The following RPN2 variants were observed in gnomAD, a reference collection of about 807,000 sequenced individuals.
RPN2 encodes ribophorin II.
A neutral mutation model predicts 71.4 loss-of-function variants in RPN2; 29 were observed. The observed-to-expected ratio is 0.41, with a 90% CI of 0.30 to 0.55. The LOEUF (loss-of-function observed/expected upper bound fraction) is 0.55, where lower values mean the gene tolerates loss of function less well. Among genes scored for constraint, RPN2 ranks in the 20% least tolerant of loss-of-function variants. RPN2 has a pLI of 0.35. For missense variants in RPN2, 726 were observed against 774.1 expected (o/e 0.94, Z 0.74); for synonymous variants, 308 against 305.0 (o/e 1.01, Z -0.10).
chr20:37,228,414 G>A (rs561950271), intron 11 of RPN2, 136 bp from the exon 12 acceptor site: 23 of 815,154 alleles, frequency 2.8e-5, no homozygotes, highest in Middle Eastern at 3.3e-4. Flanking sequence ...CTACTCTCTG[G>A]GGCAGGTCTG....
intron 2 of RPN2, among the ~76,000 whole-genome samples, chr20:37,193,775 T>C (rs986683878): frequency 2.0e-5 from 3 of 152,168 alleles, no homozygotes; most frequent in African/African-American, 7.2e-5. Flanking sequence ...GTCTTTACCA[T>C]GGTGAGCTTG....
intron 10 of RPN2, among the ~76,000 whole-genome samples, chr20:37,225,054 G>T (rs893496018): frequency 1.3e-5 from 2 of 152,126 alleles, no homozygotes; most frequent in Non-Finnish European, 2.9e-5. Flanking sequence ...GTAACCATTT[G>T]GCTGGTTTAT....
chr20:37,216,209 C>T (rs896277433), intron 9 of RPN2, among the ~76,000 whole-genome samples: 25 of 151,954 alleles, frequency 1.6e-4, no homozygotes, highest in African/African-American at 5.1e-4. Context: ...CGTGGTGGCA[C>T]GTGCCTGTAA....
In RPN2 at chr20:37,223,992, A is replaced by C. The variant is rs2076397; in HGVS notation, c.1184+23A>C. The C allele has an allele frequency of 0.8, 1,278,139 of 1,599,814 alleles. 514,543 individuals are homozygous for C. The highest frequency in any genetic ancestry group is 0.97 in the African/African-American group (72,416 of 74,780). On this transcript the variant is annotated intron_variant, in intron 10 of 16. Coordinates refer to ENST00000237530, the MANE Select transcript of RPN2 (RefSeq NM_002951.5). ...CCGGTAGGTGAGATGCCACCTGATC[A>C]CTCAGGGAGCTGAGGCTCAAGAGCT... is the stretch of plus-strand genomic sequence containing the variant.
Position 37,225,679 on chromosome 20 carries a change from C to T in RPN2, c.1185-9C>T. ...CTCTCTGAAGACTAACTCTATATGC[C>T]TCTTTCAGGGTGACATACCCAGCCA... On this transcript the variant is annotated splice_polypyrimidine_tract_variant and intron_variant, in intron 10 of 16. Transcript: ENST00000237530. The T allele has an allele frequency of 1.9e-6, 3 of 1,591,126 alleles. No individual in the cohort carries two copies. The highest frequency in any genetic ancestry group is 2.6e-6 in the Non-Finnish European group (3 of 1,158,970).
At chr20:37,198,660 T>C (rs2067310974) in intron 3 of RPN2, among the ~76,000 whole-genome samples, 168 bp downstream of exon 3, 1 of 152,202 alleles carries the variant, frequency 6.6e-6, no homozygotes, top group African/African-American at 2.4e-5. Flanking sequence ...AGTTTATGTT[T>C]CTCCTAAGTT....
chr20:37,216,996 T>G (rs1478477401), intron 9 of RPN2, among the ~76,000 whole-genome samples: 3 of 151,876 alleles, frequency 2.0e-5, no homozygotes, highest in African/African-American at 7.3e-5. Flanking sequence ...AGTGGCGTGA[T>G]CATGGCTCAC....
intron 4 of RPN2, among the ~76,000 whole-genome samples, chr20:37,202,987 C>T (rs191170056): frequency 6.6e-6 from 1 of 151,954 alleles, no homozygotes; most frequent in Non-Finnish European, 1.5e-5. Context: ...TGCGGTGGTG[C>T]AATCACAGCT....
chr20:37,187,604 C>T (rs954297027), intron 2 of RPN2, among the ~76,000 whole-genome samples: 1 of 150,796 alleles, frequency 6.6e-6, no homozygotes, highest in Non-Finnish European at 1.5e-5. Context: ...CCTGTTTTTC[C>T]CTCTCTTTTC....
chr20:37,204,078 G>C, intron 5 of RPN2, 118 bp downstream of exon 5: 1 of 750,256 alleles, frequency 1.3e-6, no homozygotes, highest in East Asian at 2.7e-5. Flanking sequence ...TTATATCCAT[G>C]GCACACTTGT....
chr20:37,236,617 C>T lies in RPN2; in HGVS notation c.1791C>T (p.Leu597=). The T allele has an allele frequency of 6.2e-7, 1 of 1,614,086 alleles. No homozygotes were observed. The change falls in exon 16 of 17, where the codon CTC becomes CTT. Residue 597 remains leucine (L), a synonymous_variant. Coordinates refer to ENST00000237530, the MANE Select transcript of RPN2 (RefSeq NM_002951.5). ...LGLMYVYWTQ[L]NMFQTLKYLA... ...TCATGTATGTCTACTGGACTCAGCT[C>T]AACATGTTCCAGACCTTGAAGTACC...
At chr20:37,194,606 T>C (rs1215643425) in intron 2 of RPN2, among the ~76,000 whole-genome samples, 1 of 152,154 alleles carries the variant, frequency 6.6e-6, no homozygotes, top group Non-Finnish European at 1.5e-5. Flanking sequence ...GTTAATACAT[T>C]ATAGGAGAAG....
intron 2 of RPN2, among the ~76,000 whole-genome samples, chr20:37,196,215 G>A (rs1456938696): frequency 1.3e-5 from 2 of 149,806 alleles, no homozygotes; most frequent in Non-Finnish European, 3.0e-5. Context: ...GAGCGCCACC[G>A]TGCCTAGTCT....
chr20:37,199,111 T>A lies in RPN2; in HGVS notation c.365T>A (p.Val122Asp), dbSNP rs763344652. Residue 122 changes from valine to aspartate, a missense_variant, in exon 4 of 17, where the codon GTT (valine) becomes GAT (aspartate). Transcript: ENST00000237530. ...GCAGCTGTCAGTGAGGACTCATCTG[T>A]TACCCAGATCTACCATGCAGTTGCA... ...LLAAVSEDSS[V>D]TQIYHAVAAL... is the part of the protein sequence containing the mutation. 5 of 1,613,474 alleles carry A rather than the reference T, an allele frequency of 3.1e-6. No homozygotes were observed. Among genetic ancestry groups the A allele is most frequent in the Non-Finnish European group, 3.4e-6 (4 of 1,179,476 alleles).
intron 9 of RPN2, among the ~76,000 whole-genome samples, chr20:37,215,747 T>C (rs1171762324): frequency 2.0e-5 from 3 of 152,200 alleles, no homozygotes; most frequent in Non-Finnish European, 4.4e-5. Flanking sequence ...TTCGTACCAA[T>C]ATTTGGTATT....
At chr20:37,180,691 T>TTATCA (rs2066842472) in intron 1 of RPN2, among the ~76,000 whole-genome samples, 2 of 152,222 alleles carry the variant, frequency 1.3e-5, no homozygotes, top group African/African-American at 4.8e-5. Context: ...CATTAGCAGT[T>TTATCA]TCTGATAGGC....
chr20:37,241,328 G>A lies in RPN2; in HGVS notation c.*13G>A, dbSNP rs979577651. 6.2e-7 allele frequency: 1 copy of A among 1,612,472 alleles called. No homozygotes were observed. The highest frequency in any genetic ancestry group is 1.3e-5 in the African/African-American group (1 of 74,924). On this transcript the variant is annotated 3_prime_UTR_variant, in exon 17 of 17. Transcript: ENST00000237530. Reference sequence around the variant, plus strand: ...AACAGCACATTAGTTCCAGAAGAAAGATGGAAATTCTGAAAACTGAATGTC... The same window carrying A: ...AACAGCACATTAGTTCCAGAAGAAAAATGGAAATTCTGAAAACTGAATGTC...
At chr20:37,240,706 C>CA (rs2068527789) in intron 16 of RPN2, among the ~76,000 whole-genome samples, 1 of 152,230 alleles carries the variant, frequency 6.6e-6, no homozygotes, top group African/African-American at 2.4e-5. Flanking sequence ...ACAAAGAGTA[C>CA]AGGAGATAGG....
At chr20:37,213,335 C>T (rs980257649) in intron 8 of RPN2, among the ~76,000 whole-genome samples, 2 of 152,124 alleles carry the variant, frequency 1.3e-5, no homozygotes, top group South Asian at 2.1e-4. Flanking sequence ...TGTGATTAAG[C>T]ACGAGGGTCA....
Sources: gnomAD v4.1 joint callset for allele counts (sites outside exome capture counted in the v4.1 genomes callset) on GRCh38, gnomAD v4.1.1 for gene constraint, MANE v1.5 for transcripts, NCBI Gene and HGNC (gene_info 2026-07-23, HGNC 2026-07-21) for gene names.